The following EPS15 variants were observed in gnomAD, a reference collection of about 807,000 sequenced individuals.
The protein encoded by EPS15 is epidermal growth factor receptor pathway substrate 15.
EPS15 carries 72 observed loss-of-function variants against 113.8 expected under a neutral mutation model. The observed-to-expected ratio is 0.63, with a 90% CI of 0.52 to 0.77. The LOEUF (loss-of-function observed/expected upper bound fraction) is 0.77, where lower values mean the gene tolerates loss of function less well. EPS15 is among the 30% of genes least tolerant of loss of function. The pLI is 0.00. For missense variants in EPS15, 1,048 were observed against 1,045.8 expected (o/e 1.00, Z -0.03); for synonymous variants, 344 against 363.4 (o/e 0.95, Z 0.61).
intron 13 of EPS15, among the ~76,000 whole-genome samples, chr1:51,411,506 C>T (rs1649721182): frequency 6.6e-6 from 1 of 152,146 alleles, no homozygotes; most frequent in Non-Finnish European, 1.5e-5. Context: ...TATTTTAATT[C>T]AGTCCTTATT....
chr1:51,450,468 T>C (rs901899608), intron 8 of EPS15, among the ~76,000 whole-genome samples: 1 of 151,694 alleles, frequency 6.6e-6, no homozygotes, highest in African/African-American at 2.4e-5. Flanking sequence ...CAAACCTGAG[T>C]TGTAAGCCAC....
chr1:51,400,938 T>C lies in EPS15; in HGVS notation c.1898A>G (p.Asp633Gly), dbSNP rs1242990627. Reference protein sequence around the residue: ...DPFVGSDPFKDDPFGKIDPFG... With the variant: ...DPFVGSDPFKGDPFGKIDPFG... ...CTGACCGATTTTTCCAAAAGGATCA[T>C]CCTTGAAAGGATCACCTGTGATAAA... The change falls in exon 19 of 25, where the codon GAT becomes GGT. Residue 633 changes from aspartate (D) to glycine (G), a missense_variant. By Grantham distance (94) the Asp-to-Gly change is moderately conservative. Transcript: ENST00000371733. 6.3e-7 allele frequency: 1 copy of C among 1,587,236 alleles called. No individual in the cohort carries two copies. The highest frequency in any genetic ancestry group is 8.6e-7 in the Non-Finnish European group (1 of 1,165,790).
intron 1 of EPS15, among the ~76,000 whole-genome samples, chr1:51,504,923 C>A (rs1305373721): frequency 6.6e-6 from 1 of 152,108 alleles, no homozygotes; most frequent in Non-Finnish European, 1.5e-5. Flanking sequence ...GAGTTTGAGA[C>A]CAGCCCAGAC....
At chr1:51,387,067 G>A (rs1647099971) in intron 21 of EPS15, among the ~76,000 whole-genome samples, 1 of 152,164 alleles carries the variant, frequency 6.6e-6, no homozygotes, top group Non-Finnish European at 1.5e-5. Context: ...GGCAGCCAGA[G>A]AGAAAGGTCG....
chr1:51,481,899 G>A (rs1304979940), intron 1 of EPS15, among the ~76,000 whole-genome samples: 2 of 152,220 alleles, frequency 1.3e-5, no homozygotes, highest in Non-Finnish European at 2.9e-5. Flanking sequence ...ACTGGGTGCA[G>A]TGGCTCACAC....
Position 51,440,363 on chromosome 1 carries a change from T to C in EPS15, c.1024A>G (p.Ile342Val). The C allele has an allele frequency of 2.5e-6, 4 of 1,573,280 alleles. No homozygotes were observed. The South Asian group carries it at 4.5e-5, about 18-fold the overall frequency. The change falls in exon 12 of 25, where the codon ATA becomes GTA. Residue 342 changes from isoleucine (I) to valine (V), a missense_variant. Coordinates refer to ENST00000371733, the MANE Select transcript of EPS15 (RefSeq NM_001981.3). Reference protein sequence around the residue: ...IKELDTLNNEIVDLQREKNNV... With the variant: ...IKELDTLNNEVVDLQREKNNV... Reference sequence around the variant, plus strand: ...TTTACATACCTCTGTAGGTCAACTATTTCATTGTTAAGAGTATCTAGTTCC... The same window carrying C: ...TTTACATACCTCTGTAGGTCAACTACTTCATTGTTAAGAGTATCTAGTTCC...
chr1:51,408,434 G>T, intron 14 of EPS15, 102 bp from the exon 15 acceptor site: 1 of 882,502 alleles, frequency 1.1e-6, no homozygotes, highest in East Asian at 2.6e-5. Context: ...TTACTATTTT[G>T]GTGTTTTTTT....
chr1:51,468,549 C>T lies in EPS15; in HGVS notation c.233G>A (p.Arg78His), dbSNP rs771222334. The T allele has an allele frequency of 9.9e-6, 16 of 1,612,836 alleles. No individual in the cohort carries two copies. In the East Asian group the frequency reaches 1.6e-4, roughly 16 times the overall value. The change falls in exon 5 of 25, where the codon CGT becomes CAT. Residue 78 changes from arginine (R) to histidine (H), a missense_variant. Arg to His is a conservative substitution (Grantham distance 29). Coordinates refer to ENST00000371733, the MANE Select transcript of EPS15 (RefSeq NM_001981.3). ...TCCATTCTGGGCACATGCCACAAGA[C>T]GCAAAGCAACAAAGAATTCCTAAGA... Reference protein sequence around the residue: ...LNKQEFFVALRLVACAQNGLE... With the variant: ...LNKQEFFVALHLVACAQNGLE...
intron 8 of EPS15, among the ~76,000 whole-genome samples, chr1:51,456,049 A>T (rs1403962336): frequency 1.3e-5 from 2 of 152,166 alleles, no homozygotes; most frequent in Non-Finnish European, 2.9e-5. Flanking sequence ...TTGAAAAGAA[A>T]CAAGGGCCAT....
chr1:51,459,403 G>A (rs1369365219), intron 8 of EPS15, among the ~76,000 whole-genome samples: 4 of 152,100 alleles, frequency 2.6e-5, no homozygotes, highest in East Asian at 1.9e-4. Context: ...AGGCTGAGGC[G>A]GGAGAATCGT....
intron 21 of EPS15, among the ~76,000 whole-genome samples, chr1:51,385,689 G>A (rs958099073): frequency 2.0e-5 from 3 of 151,984 alleles, no homozygotes; most frequent in African/African-American, 7.3e-5. Context: ...ACAAAATGCA[G>A]TATATACATA....
At chr1:51,493,540 A>C (rs867661247) in intron 1 of EPS15, among the ~76,000 whole-genome samples, 1 of 131,360 alleles carries the variant, frequency 7.6e-6, no homozygotes, top group East Asian at 2.3e-4. Flanking sequence ...AAATAAATAA[A>C]TAAATAAATA....
intron 20 of EPS15, 85 bp downstream of exon 20, chr1:51,398,947 T>C: frequency 8.5e-7 from 1 of 1,171,450 alleles, no homozygotes; most frequent in South Asian, 1.6e-5. Context: ...TAAATGAGGG[T>C]TCTTTCATCA....
chr1:51,380,139 G>A (rs541402856), intron 21 of EPS15, among the ~76,000 whole-genome samples: 90 of 151,408 alleles, frequency 5.9e-4, no homozygotes, highest in Admixed American at 1.1e-3. Flanking sequence ...CAGGAGAATC[G>A]CCTGAACCCA....
chr1:51,413,906 G>A (rs1336160140), intron 13 of EPS15, among the ~76,000 whole-genome samples: 3 of 151,940 alleles, frequency 2.0e-5, no homozygotes, highest in Admixed American at 1.3e-4. Flanking sequence ...GTGCCACCAC[G>A]CCTGGCTAAT....
chr1:51,431,025 CACAA>C (rs1283139575), intron 12 of EPS15, among the ~76,000 whole-genome samples: 5,315 of 109,750 alleles, frequency 0.048, 122 homozygotes, highest in African/African-American at 0.1. Context: ...CACACACACA[CACAA>C]AAATAAAACT....
chr1:51,385,464 T>C (rs1369463855), intron 21 of EPS15, among the ~76,000 whole-genome samples: 2 of 152,172 alleles, frequency 1.3e-5, no homozygotes, highest in African/African-American at 2.4e-5. Flanking sequence ...GGCTGGTGTA[T>C]AAAATGGTAT....
At chr1:51,418,035 G>A (rs1650402771) in intron 13 of EPS15, among the ~76,000 whole-genome samples, 1 of 152,178 alleles carries the variant, frequency 6.6e-6, no homozygotes, top group African/African-American at 2.4e-5. Flanking sequence ...TAAGATTTTA[G>A]ATATTAGGCG....
chr1:51,502,597 C>T (rs776049371), intron 1 of EPS15, among the ~76,000 whole-genome samples: 5 of 152,066 alleles, frequency 3.3e-5, no homozygotes, highest in Non-Finnish European at 7.3e-5. Context: ...AAGGTATCCA[C>T]TAAAAACTAC....
Sources: gnomAD v4.1 joint callset for allele counts (sites outside exome capture counted in the v4.1 genomes callset) on GRCh38, gnomAD v4.1.1 for gene constraint, MANE v1.5 for transcripts, NCBI Gene and HGNC (gene_info 2026-07-23, HGNC 2026-07-21) for gene names.